P2RX5: variants seen among roughly 807,000 people sequenced by gnomAD.
P2RX5 encodes P2X purinoceptor 5.
In P2RX5, 46 loss-of-function variants were observed where a neutral mutation model predicts 54.1. The ratio of observed to expected loss-of-function variants is 0.85; its 90% CI spans 0.67 to 1.09. The LOEUF (loss-of-function observed/expected upper bound fraction) is 1.09, where lower values mean the gene tolerates loss of function less well. Ranked by LOEUF, P2RX5 falls within the 50% of genes least tolerant of loss-of-function variation. The pLI is 0.00. For synonymous variants in P2RX5, 226 were observed against 226.4 expected (o/e 1.00, Z 0.02); for missense variants, 566 against 549.8 (o/e 1.03, Z -0.29).
the P2RX5 span, among the ~76,000 whole-genome samples, chr17:3,707,762 T>C: frequency 6.6e-6 from 1 of 151,708 alleles, no homozygotes; most frequent in Admixed American, 6.6e-5. Flanking sequence ...TAGGAGATGG[T>C]TAACCAGGAA....
At chr17:3,678,247 G>T in intron 11 of P2RX5, 1 of 221,864 alleles carries the variant, frequency 4.5e-6, no homozygotes, top group Non-Finnish European at 7.6e-6. Flanking sequence ...CAGGCAGGCA[G>T]AGCATTCAGA....
At chr17:3,699,854 AAAG>A (rs1179894118), upstream of P2RX5, among the ~76,000 whole-genome samples, 2 of 32,698 alleles carry the variant, frequency 6.1e-5, no homozygotes, top group Non-Finnish European at 1.5e-4. Flanking sequence ...GAAAAAGAAA[AAAG>A]AAAGAAAGAA....
chr17:3,716,952 T>C, the P2RX5 span: 1 of 581,690 alleles, frequency 1.7e-6, no homozygotes, highest in South Asian at 2.1e-5. Flanking sequence ...AGATATTCCC[T>C]GATGCAGCAT....
chr17:3,681,891 C>T lies in P2RX5; in HGVS notation c.1064+5G>A. The T allele has an allele frequency of 1.2e-6, 2 of 1,603,564 alleles. No individual in the cohort carries two copies. The highest frequency in any genetic ancestry group is 1.7e-6 in the Non-Finnish European group (2 of 1,170,362). On this transcript the variant is annotated splice_donor_5th_base_variant and intron_variant, in intron 10 of 11. Transcript: ENST00000225328. Reference sequence around the variant, plus strand: ...TCGGGCCGCCGGCCTGGAAGCGGAACTGACCTCACTTCCTCGTACTTCTTG... The same window carrying T: ...TCGGGCCGCCGGCCTGGAAGCGGAATTGACCTCACTTCCTCGTACTTCTTG...
At chr17:3,707,220 G>A in the P2RX5 span, among the ~76,000 whole-genome samples, 61 of 152,272 alleles carry the variant, frequency 4.0e-4, no homozygotes, top group South Asian at 3.9e-3. Flanking sequence ...TGGGCAGACC[G>A]GTGTTCACTG....
At chr17:3,719,752 G>A in the P2RX5 span, among the ~76,000 whole-genome samples, 3 of 126,510 alleles carry the variant, frequency 2.4e-5, no homozygotes, top group Non-Finnish European at 4.4e-5. Context: ...TTTTGAGACT[G>A]AGTCTCACTC....
At chr17:3,677,465 T>A (rs1567728334) in intron 11 of P2RX5, 8 of 985,334 alleles carry the variant, frequency 8.1e-6, no homozygotes, top group Non-Finnish European at 9.6e-6. Context: ...CTCCAGTCCT[T>A]TCCTGGTTGC....
At chr17:3,699,853 A>T (rs985386253), upstream of P2RX5, among the ~76,000 whole-genome samples, 1 of 80,904 alleles carries the variant, frequency 1.2e-5, no homozygotes, top group African/African-American at 3.8e-5. Flanking sequence ...AGAAAAAGAA[A>T]AAAGAAAGAA....
At chr17:3,716,100 A>T in the P2RX5 span, among the ~76,000 whole-genome samples, 1 of 150,326 alleles carries the variant, frequency 6.7e-6, no homozygotes, top group African/African-American at 2.5e-5. Context: ...GGTGGGGGGA[A>T]GGGAAGGTTG....
intron 11 of P2RX5, among the ~76,000 whole-genome samples, chr17:3,678,439 G>A (rs766321169): frequency 2.6e-5 from 4 of 152,228 alleles, no homozygotes; most frequent in South Asian, 2.1e-4. Flanking sequence ...CCAGGCCGTC[G>A]GGCTTCCCGC....
Position 3,679,689 on chromosome 17 carries a change from G to T in P2RX5, c.1160C>A (p.Pro387Gln). 6.2e-7 allele frequency: 1 copy of T among 1,611,782 alleles called. No homozygotes were observed. The stretch of plus-strand genomic sequence containing the variant: ...TGGCTCCTGCAGCTCCTGCTGCTCC[G>T]GCATCCCCAGCAGCCCTGGCCCAGA... ...LTSGPGLLGMPEQQELQEPPE... is the reference protein window; with the variant it reads ...LTSGPGLLGMQEQQELQEPPE... The change falls in exon 11 of 12, where the codon CCG (proline) becomes CAG (glutamine). Residue 387 changes from proline to glutamine, a missense_variant. Physicochemically the swap from Pro to Gln is moderately conservative, Grantham distance 76. Transcript: ENST00000225328.
At chr17:3,705,073 C>T in the P2RX5 span, among the ~76,000 whole-genome samples, 2 of 152,154 alleles carry the variant, frequency 1.3e-5, no homozygotes, top group African/African-American at 4.8e-5. Flanking sequence ...ACAAGTCTAC[C>T]ACGGTACCTC....
At chr17:3,689,657 A>G in intron 6 of P2RX5, 27 bp from the exon 7 acceptor site, 1 of 1,613,948 alleles carries the variant, frequency 6.2e-7, no homozygotes, top group Non-Finnish European at 8.5e-7. Flanking sequence ...GGCAGCCGAG[A>G]AATGAAGTAA....
chr17:3,709,181 AC>A, the P2RX5 span, among the ~76,000 whole-genome samples: 1 of 152,052 alleles, frequency 6.6e-6, no homozygotes, highest in Non-Finnish European at 1.5e-5. Flanking sequence ...CGAACTCCTG[AC>A]CTCAGGTGAT....
intron 11 of P2RX5, among the ~76,000 whole-genome samples, chr17:3,678,305 T>C (rs1043355564): frequency 1.3e-5 from 2 of 152,196 alleles, no homozygotes; most frequent in African/African-American, 4.8e-5. Flanking sequence ...CACGCATAGA[T>C]GCTCAGGCAG....
chr17:3,673,653 C>T lies in P2RX5; in HGVS notation c.*215G>A, dbSNP rs201253971. 1.4e-6 allele frequency: 2 copies of T among 1,445,370 alleles called. No individual in the cohort carries two copies. Among genetic ancestry groups the T allele is most frequent in the Admixed American group, 2.6e-5 (1 of 38,732 alleles). The allele number at this position is 1,445,370 out of a possible 1,614,324, so 89.5% of individuals were successfully genotyped here. A position where few individuals can be genotyped will look rare whatever the true frequency, so the allele number is the denominator to read the frequency against. The stretch of plus-strand genomic sequence containing the variant: ...GAAGAACTGACGGCAGGGGGTGGGG[C>T]AAAAAGACAGCCATGATGGGTCCGT... On this transcript the variant is annotated 3_prime_UTR_variant, in exon 12 of 12. Coordinates refer to ENST00000225328, the MANE Select transcript of P2RX5 (RefSeq NM_002561.4).
At chr17:3,677,875 G>C (rs558576152) in intron 11 of P2RX5, 1 of 985,406 alleles carries the variant, frequency 1.0e-6, no homozygotes, top group East Asian at 1.1e-4. Flanking sequence ...TCCTCTTCTA[G>C]GTCCGAGCCC....
At chr17:3,679,231 G>A (rs2050172893) in intron 11 of P2RX5, among the ~76,000 whole-genome samples, 1 of 152,200 alleles carries the variant, frequency 6.6e-6, no homozygotes, top group Admixed American at 6.5e-5. Context: ...TGTAAAATGG[G>A]GAAGATCGGT....
the P2RX5 span, chr17:3,717,666 T>G: frequency 3.9e-5 from 6 of 152,178 alleles, no homozygotes; most frequent in Admixed American, 3.3e-4. Flanking sequence ...TTGGAGAGGT[T>G]TCTGTACGGG....
Sources: allele counts gnomAD v4.1 joint callset (sites outside exome capture counted in the v4.1 genomes callset), GRCh38; gene constraint gnomAD v4.1.1; transcripts MANE v1.5; gene names NCBI Gene and HGNC (gene_info 2026-07-23, HGNC 2026-07-21).